Variants in TMEM266 observed in about 807,000 individuals in gnomAD.
TMEM266 encodes the protein Hv1 related protein 1.
Under a neutral mutation model 50.5 loss-of-function variants are expected in TMEM266, and 33 were observed. The ratio of observed to expected loss-of-function variants is 0.65; its 90% CI spans 0.50 to 0.87. TMEM266 has a LOEUF of 0.87. Ranked by LOEUF, TMEM266 falls within the 40% of genes least tolerant of loss-of-function variation. The pLI, the probability that TMEM266 is intolerant of heterozygous loss-of-function variation, is 0.00. For synonymous variants in TMEM266, 310 were observed against 292.3 expected (o/e 1.06, Z -0.62); for missense variants, 655 against 695.1 (o/e 0.94, Z 0.65).
chr15:76,104,205 CA>C (rs55768096), intron 1 of TMEM266, among the ~76,000 whole-genome samples: 75,377 of 147,140 alleles, frequency 0.51, 19,469 homozygotes, highest in Admixed American at 0.66. Context: ...GATTCTGTCT[CA>C]AAAAAAAAAA....
At chr15:76,116,229 G>GAC (rs1379963904) in intron 1 of TMEM266, among the ~76,000 whole-genome samples, 1 of 151,700 alleles carries the variant, frequency 6.6e-6, no homozygotes, top group Non-Finnish European at 1.5e-5. Flanking sequence ...AGCTCCGGGA[G>GAC]ACACACACGA....
rs148774197 is a variant in TMEM266, at chr15:76,191,954, G to T, written c.769-14G>T. On this transcript the variant is annotated splice_polypyrimidine_tract_variant and intron_variant, in intron 8 of 10. Coordinates refer to ENST00000388942, the MANE Select transcript of TMEM266 (RefSeq NM_152335.3). Reference sequence around the variant, plus strand: ...CCTCGCCGCTGATTCAGCCTTGCCCGTCTCCCTCCGCAGTTTGAGATCCGG... The same window carrying T: ...CCTCGCCGCTGATTCAGCCTTGCCCTTCTCCCTCCGCAGTTTGAGATCCGG... 4 of 1,572,440 alleles carry T rather than the reference G, an allele frequency of 2.5e-6. No individual in the cohort carries two copies. Among genetic ancestry groups the T allele is most frequent in the Non-Finnish European group, 3.4e-6 (4 of 1,165,676 alleles).
At chr15:76,185,231 T>C (rs2038475948) in intron 8 of TMEM266, among the ~76,000 whole-genome samples, 1 of 152,256 alleles carries the variant, frequency 6.6e-6, no homozygotes, top group Non-Finnish European at 1.5e-5. Flanking sequence ...TCGTCTCCTC[T>C]TGGAGCTCCA....
intron 10 of TMEM266, among the ~76,000 whole-genome samples, chr15:76,203,006 C>G (rs1438464951): frequency 6.6e-6 from 1 of 151,862 alleles, no homozygotes. Context: ...CCGTCTCCAG[C>G]CCAGACCTCT....
rs952688709 is a variant in TMEM266, at chr15:76,139,400, C to A, written c.227+1505C>A. 2.6e-5 allele frequency among the ~76,000 whole-genome samples: 4 copies of A among 152,210 alleles called. No individual in the cohort carries two copies. The highest frequency in any genetic ancestry group is 4.8e-5 in the African/African-American group (2 of 41,462). On this transcript the variant is annotated intron_variant, in intron 3 of 10. Transcript: ENST00000388942. The surrounding 1 kb of genome is among the most constrained non-coding windows in gnomAD (Gnocchi z 4.1). ...GGCAGCTAAGGGACACCTGCAGTGGCAGCACTGTCCTGAGCTCTGTCAGGT... is the reference window on the plus strand; with the variant it reads ...GGCAGCTAAGGGACACCTGCAGTGGAAGCACTGTCCTGAGCTCTGTCAGGT...
rs184111290 is a variant in TMEM266 at position 76,120,496 on chromosome 15, C to G, written c.-96-13672C>G. Among the ~76,000 whole-genome samples the G allele has an allele frequency of 9.4e-3, 1,428 of 152,090 alleles. 16 individuals carry two copies. Among genetic ancestry groups the G allele is most frequent in the Middle Eastern group, 0.041 (12 of 294 alleles). ...GAAAGATAGGCCGGGTGCGGTGGCT[C>G]ACGCCCATAATCCCAGCACTATAGG... On this transcript the variant is annotated intron_variant, in intron 1 of 10. Coordinates refer to ENST00000388942, the MANE Select transcript of TMEM266 (RefSeq NM_152335.3).
At chr15:76,098,094 A>G (rs535634832) in intron 1 of TMEM266, among the ~76,000 whole-genome samples, 2 of 152,032 alleles carry the variant, frequency 1.3e-5, no homozygotes, top group African/African-American at 4.8e-5. Context: ...TCTGAAGTCT[A>G]CTTCTGTCAA....
At chr15:76,134,449 C>T in intron 2 of TMEM266, 148 bp downstream of exon 2, 1 of 737,690 alleles carries the variant, frequency 1.4e-6, no homozygotes, top group Non-Finnish European at 2.1e-6. Flanking sequence ...AAAAGCAAGA[C>T]TCAAGACAAG....
intron 3 of TMEM266, among the ~76,000 whole-genome samples, chr15:76,148,084 G>T (rs1329804664): frequency 6.6e-6 from 1 of 152,250 alleles, no homozygotes; most frequent in Non-Finnish European, 1.5e-5. Context: ...ACAGCGGCGG[G>T]TGACCGCTAG....
In TMEM266 at chr15:76,157,464, T is replaced by C. The variant is rs146703081; in HGVS notation, c.382+706T>C. ...TCTTGGCATTTGTCTTAGTTTCACG[T>C]TAAACCTTGTCTTCCACCTCTTCTG... On this transcript the variant is annotated intron_variant, in intron 4 of 10. Coordinates refer to ENST00000388942, the MANE Select transcript of TMEM266 (RefSeq NM_152335.3). Among the ~76,000 whole-genome samples the C allele has an allele frequency of 7.9e-5, 12 of 152,294 alleles. No individual in the cohort carries two copies. In the East Asian group the frequency reaches 2.1e-3, roughly 27 times the overall value.
chr15:76,087,616 G>C (rs1416362715), intron 1 of TMEM266, among the ~76,000 whole-genome samples: 1 of 152,088 alleles, frequency 6.6e-6, no homozygotes, highest in Non-Finnish European at 1.5e-5. Flanking sequence ...AGGCATCGTT[G>C]AAATAATCAT....
At chr15:76,152,010 G>A (rs1194425137) in intron 3 of TMEM266, among the ~76,000 whole-genome samples, 1 of 152,142 alleles carries the variant, frequency 6.6e-6, no homozygotes, top group Non-Finnish European at 1.5e-5. Context: ...GAGTTCTTAA[G>A]AGCTCTGTTG....
chr15:76,184,028 G>C (rs145637399), intron 8 of TMEM266, among the ~76,000 whole-genome samples: 1 of 152,194 alleles, frequency 6.6e-6, no homozygotes, highest in Non-Finnish European at 1.5e-5. Flanking sequence ...ACGGCTCTGC[G>C]TAGGTCACTC....
intron 3 of TMEM266, among the ~76,000 whole-genome samples, chr15:76,152,886 T>C (rs1472287829): frequency 6.6e-6 from 1 of 152,168 alleles, no homozygotes; most frequent in Non-Finnish European, 1.5e-5. Flanking sequence ...TCGCCTCTCT[T>C]GATCACGCTG....
At chr15:76,070,621 C>T (rs2036524976) in intron 1 of TMEM266, among the ~76,000 whole-genome samples, 1 of 152,228 alleles carries the variant, frequency 6.6e-6, no homozygotes, top group African/African-American at 2.4e-5. Flanking sequence ...GGGCTACCCA[C>T]TCCCAGTCAA....
intron 1 of TMEM266, among the ~76,000 whole-genome samples, chr15:76,131,671 T>A (rs1384049751): frequency 6.6e-6 from 1 of 152,250 alleles, no homozygotes; most frequent in Non-Finnish European, 1.5e-5. Context: ...CTGTTTTTCA[T>A]GCTTAGACCC....
chr15:76,064,565 G>T, intron 1 of TMEM266, among the ~76,000 whole-genome samples: 1 of 152,132 alleles, frequency 6.6e-6, no homozygotes, highest in East Asian at 1.9e-4. Context: ...AGCCACAAAG[G>T]CCTCCTCTCC....
At chr15:76,117,643 G>A (rs186590346) in intron 1 of TMEM266, among the ~76,000 whole-genome samples, 2 of 152,322 alleles carry the variant, frequency 1.3e-5, no homozygotes, top group South Asian at 2.1e-4. Context: ...GATAAGAAAG[G>A]ACCACTGAAG....
chr15:76,204,396 C>T lies in TMEM266; in HGVS notation c.*81C>T, dbSNP rs768449683. ...GGACCCTGGAGGCTGCCAAGGGCCA[C>T]ACGCGGGGCCCAGGAGCCCACCTGG... On this transcript the variant is annotated 3_prime_UTR_variant, in exon 11 of 11. Transcript: ENST00000388942. 17 of 1,389,868 alleles carry T rather than the reference C, an allele frequency of 1.2e-5. No homozygotes were observed. Among genetic ancestry groups the T allele is most frequent in the East Asian group, 2.3e-5 (1 of 43,056 alleles). The allele number at this position is 1,389,868 out of a possible 1,614,324, so 86.1% of individuals were successfully genotyped here. A position where few individuals can be genotyped will look rare whatever the true frequency, so the allele number is the denominator to read the frequency against.
Sources: gnomAD v4.1 joint callset for allele counts (sites outside exome capture counted in the v4.1 genomes callset) on GRCh38, gnomAD v4.1.1 for gene constraint, Gnocchi (gnomAD v3.1) non-coding constraint, MANE v1.5 for transcripts, NCBI Gene and HGNC (gene_info 2026-07-23, HGNC 2026-07-21) for gene names.